Variants in CHRNB4 observed in about 807,000 individuals in gnomAD.
CHRNB4 encodes the protein cholinergic receptor nicotinic beta 4 subunit, also known as neuronal acetylcholine receptor subunit beta-4.
A neutral mutation model predicts 40.4 loss-of-function variants in CHRNB4; 23 were observed. The observed-to-expected ratio is 0.57, with a 90% CI of 0.41 to 0.81. The LOEUF (loss-of-function observed/expected upper bound fraction) is 0.81, where lower values mean the gene tolerates loss of function less well. Among genes scored for constraint, CHRNB4 ranks in the 30% least tolerant of loss-of-function variants. The pLI, the probability that CHRNB4 is intolerant of heterozygous loss-of-function variation, is 0.00. For missense variants in CHRNB4, 568 were observed against 670.6 expected (o/e 0.85, Z 1.69); for synonymous variants, 285 against 274.4 (o/e 1.04, Z -0.38).
rs1159067471 is a variant in CHRNB4 at position 78,629,162 on chromosome 15, G to A, written c.1143C>T (p.Asn381=). The change falls in exon 5 of 6, where the codon AAC becomes AAT. Residue 381 remains asparagine (N), a synonymous_variant. Coordinates refer to ENST00000261751, the MANE Select transcript of CHRNB4 (RefSeq NM_000750.5). The surrounding 1 kb of genome is among the most constrained non-coding windows in gnomAD (Gnocchi z 6.8). ...CAAAGTACATGGAGTTCCCATAGAA[G>A]TTGGAGGGGCTGGTGGAGGTGGCGG... The part of the protein sequence containing the change: ...EATATSTSPS[N]FYGNSMYFVN... 6.2e-7 allele frequency: 1 copy of A among 1,614,070 alleles called. No homozygotes were observed. Among genetic ancestry groups the A allele is most frequent in the African/African-American group, 1.3e-5 (1 of 74,932 alleles).
rs986194316 is a variant in CHRNB4, at chr15:78,649,222, C to T, written c.46+157G>A. ...ATAATGTATTGTAAAGTCAAAGATG[C>T]TTCCGTCCAATGCCTAGCCCTTCCA... On this transcript the variant is annotated intron_variant and NMD_transcript_variant, in intron 7 of 11. Transcript: ENST00000559849. Among the ~76,000 whole-genome samples the T allele has an allele frequency of 5.9e-5, 9 of 152,090 alleles. No individual in the cohort carries two copies. In the East Asian group the frequency reaches 1.5e-3, roughly 26 times the overall value.
chr15:78,652,527 G>A (rs894263368), intron 6 of CHRNB4: 16 of 152,398 alleles, frequency 1.0e-4, no homozygotes, highest in Admixed American at 5.2e-4. Context: ...ACCATCTGAG[G>A]CCTCATCATC....
intron 7 of CHRNB4, among the ~76,000 whole-genome samples, chr15:78,648,391 CAAAAA>C (rs745703762): frequency 1.4e-5 from 1 of 73,496 alleles, no homozygotes. Context: ...AGACTTGCCT[CAAAAA>C]AAAAAAAAAA....
In CHRNB4 at chr15:78,629,136, A is replaced by G. The variant is rs1167289075; in HGVS notation, c.1169T>C (p.Val390Ala). 1 of 1,614,150 alleles carries G rather than the reference A, an allele frequency of 6.2e-7. No homozygotes were observed. The highest frequency in any genetic ancestry group is 1.1e-5 in the South Asian group (1 of 91,076). ...CTTGGAAGCTGCAGAGGCGGGGTTC[A>G]CAAAGTACATGGAGTTCCCATAGAA... ...SNFYGNSMYF[V>A]NPASAASKSP... The change falls in exon 5 of 6, where the codon GTG becomes GCG. Residue 390 changes from valine to alanine, a missense_variant. Val to Ala is a moderately conservative substitution (Grantham distance 64). Coordinates refer to ENST00000261751, the MANE Select transcript of CHRNB4 (RefSeq NM_000750.5). The surrounding 1 kb of genome is among the most constrained non-coding windows in gnomAD (Gnocchi z 6.8).
intron 5 of CHRNB4, chr15:78,626,341 GGTGTGTGTGTGTGTGTGT>G (rs747140868): frequency 1.4e-3 from 104 of 74,406 alleles, no homozygotes; most frequent in African/African-American, 5.4e-3. Flanking sequence ...TTCAAGCGGG[GGTGTGTGTGTGTGTGTGT>G]GTGTGTGTGT....
intron 6 of CHRNB4, among the ~76,000 whole-genome samples, chr15:78,651,470 G>A (rs1227372883): frequency 6.6e-6 from 1 of 152,134 alleles, no homozygotes; most frequent in Non-Finnish European, 1.5e-5. Flanking sequence ...CACAGATGTG[G>A]GAGCTCTGCA....
At chr15:78,650,322 A>G (rs1374502307) in intron 6 of CHRNB4, among the ~76,000 whole-genome samples, 4 of 152,260 alleles carry the variant, frequency 2.6e-5, no homozygotes, top group African/African-American at 9.6e-5. Flanking sequence ...CACAAATGAC[A>G]GCAGGAGTCA....
At chr15:78,650,596 T>C (rs996943314) in intron 6 of CHRNB4, among the ~76,000 whole-genome samples, 4 of 152,086 alleles carry the variant, frequency 2.6e-5, no homozygotes, top group Non-Finnish European at 5.9e-5. Context: ...AGAGGAAGAG[T>C]TGGCCAAAAG....
rs780555941 is a variant in CHRNB4 at position 78,629,230 on chromosome 15, C to A, written c.1075G>T (p.Ala359Ser). ...RPGPDSSPAR[A>S]FPPSKSCVTK... Reference sequence around the variant, plus strand: ...ACGCATGACTTGCTGGGCGGGAAGGCTCTGGCCGGGCTGCTGTCGGGGCCA... The same window carrying A: ...ACGCATGACTTGCTGGGCGGGAAGGATCTGGCCGGGCTGCTGTCGGGGCCA... Residue 359 changes from alanine (A) to serine (S), a missense_variant, in exon 5 of 6, where the codon GCC (alanine) becomes TCC (serine). Transcript: ENST00000261751. This position sits in a 1 kb window ranked among gnomAD's most constrained non-coding sequence, Gnocchi z 6.8. The A allele has an allele frequency of 2.5e-6, 4 of 1,613,482 alleles. No individual in the cohort carries two copies. In the Admixed American group the frequency reaches 6.7e-5, roughly 27 times the overall value.
At chr15:78,647,785 A>T (rs1393377308) in intron 7 of CHRNB4, among the ~76,000 whole-genome samples, 4 of 142,032 alleles carry the variant, frequency 2.8e-5, no homozygotes, top group Non-Finnish European at 4.6e-5. Flanking sequence ...GCATGAATCC[A>T]GGAGGCGGAG....
At chr15:78,659,484 G>T (rs893931049) in intron 1 of CHRNB4, among the ~76,000 whole-genome samples, 1 of 152,024 alleles carries the variant, frequency 6.6e-6, no homozygotes, top group Admixed American at 6.6e-5. Flanking sequence ...GGTGGTGAAG[G>T]CTCTAGAGAA....
At chr15:78,637,827 C>A (rs181733025) in intron 1 of CHRNB4, among the ~76,000 whole-genome samples, 2 of 152,316 alleles carry the variant, frequency 1.3e-5, no homozygotes. Context: ...GCCCCTCCCC[C>A]AGGCTGCCCT....
upstream of CHRNB4, chr15:78,661,527 A>T: frequency 3.7e-6 from 2 of 539,498 alleles, no homozygotes; most frequent in South Asian, 2.9e-5. Context: ...CTTGACCAAC[A>T]GCCTCAGGTA....
intron 5 of CHRNB4, among the ~76,000 whole-genome samples, chr15:78,654,585 G>A (rs2054197289): frequency 1.3e-5 from 2 of 152,302 alleles, no homozygotes; most frequent in South Asian, 2.1e-4. Flanking sequence ...GAGATCAAGA[G>A]TATCTTCCGT....
intron 3 of CHRNB4, 50 bp downstream of exon 3, chr15:78,631,238 C>A: frequency 1.2e-6 from 2 of 1,612,702 alleles, no homozygotes; most frequent in Non-Finnish European, 1.7e-6. Flanking sequence ...CACCAAAGGG[C>A]AGCCCTAAAG....
chr15:78,644,308 A>G (rs1031558907), upstream of CHRNB4, among the ~76,000 whole-genome samples: 2 of 151,438 alleles, frequency 1.3e-5, no homozygotes, highest in African/African-American at 2.4e-5. Flanking sequence ...TTGCCAAGAT[A>G]ATATTAAGAG....
chr15:78,640,215 C>T (rs912435598), intron 1 of CHRNB4, among the ~76,000 whole-genome samples: 24 of 152,198 alleles, frequency 1.6e-4, no homozygotes, highest in Non-Finnish European at 2.6e-4. Context: ...GAAGAGGTAG[C>T]CCTGGTCCTC....
chr15:78,633,174 T>G (rs1326326075), intron 2 of CHRNB4, among the ~76,000 whole-genome samples: 1 of 152,204 alleles, frequency 6.6e-6, no homozygotes, highest in Admixed American at 6.5e-5. Flanking sequence ...TTTATCAAGA[T>G]AACTTCCAGC....
At chr15:78,649,885 A>G (rs563225100) in intron 6 of CHRNB4, among the ~76,000 whole-genome samples, 9 of 152,328 alleles carry the variant, frequency 5.9e-5, no homozygotes, top group African/African-American at 2.2e-4. Flanking sequence ...ATGAAAAAAG[A>G]AGGTCTGAAG....
Sources: allele counts gnomAD v4.1 joint callset (sites outside exome capture counted in the v4.1 genomes callset), GRCh38; gene constraint gnomAD v4.1.1; non-coding constraint Gnocchi (gnomAD v3.1); transcripts MANE v1.5; gene names NCBI Gene and HGNC (gene_info 2026-07-23, HGNC 2026-07-21).